The following MYO19 variants were observed in gnomAD, a reference collection of about 807,000 sequenced individuals.
MYO19 encodes the protein myosin XIX, also known as unconventional myosin-XIX.
In MYO19, 132 loss-of-function variants were observed where a neutral mutation model predicts 129.2. The ratio of observed to expected loss-of-function variants is 1.02; its 90% confidence interval spans 0.89 to 1.18. The LOEUF is 1.18. MYO19 is among the 50% of genes most tolerant of loss of function. The pLI is 0.00. For synonymous variants in MYO19, 531 were observed against 477.2 expected, an observed-to-expected ratio of 1.11 and a Z score of -1.47; for missense variants, 1,210 against 1,216.7, an observed-to-expected ratio of 0.99 and a Z score of 0.08.
chr17:36,536,347 A>C (rs778176990), upstream of MYO19, among the ~76,000 whole-genome samples: 1 of 152,114 alleles, frequency 6.6e-6, no homozygotes, highest in Non-Finnish European at 1.5e-5. Flanking sequence ...TTCAAAATGT[A>C]CTTGGCCCCT....
chr17:36,499,489 CTG>C, intron 23 of MYO19: 1 of 194,896 alleles, frequency 5.1e-6, no homozygotes, highest in South Asian at 9.6e-5. Context: ...TCTGGATTGT[CTG>C]TGCCTTTAAA....
upstream of MYO19, chr17:36,538,069 G>T (rs1242794610): frequency 9.3e-6 from 15 of 1,613,934 alleles, no homozygotes; most frequent in Non-Finnish European, 1.3e-5. Flanking sequence ...GTGCAAACAG[G>T]GTTATATATG....
chr17:36,525,297 C>G lies in MYO19; in HGVS notation c.345G>C (p.Arg115Ser). The change falls in exon 6 of 26, where the codon AGG becomes AGC. Residue 115 changes from arginine to serine, a missense_variant. Coordinates refer to ENST00000614623, the MANE Select transcript of MYO19 (RefSeq NM_001163735.2). ...HVFTVGEQTYRNVKSLIEPVN... is the reference protein window; with the variant it reads ...HVFTVGEQTYSNVKSLIEPVN... ...CTGGTTCAATCAGGCTCTTGACATT[C>G]CTGTAGGTCTGTTCACCCACAGTGA... The G allele has an allele frequency of 6.2e-7, 1 of 1,613,946 alleles. No homozygotes were observed. The highest frequency in any genetic ancestry group is 8.5e-7 in the Non-Finnish European group (1 of 1,179,842).
intron 6 of MYO19, among the ~76,000 whole-genome samples, chr17:36,521,114 G>A (rs1027788173): frequency 1.3e-5 from 2 of 152,170 alleles, no homozygotes; most frequent in African/African-American, 4.8e-5. Context: ...CTGAAAGACT[G>A]GAGGAATCTT....
chr17:36,498,308 T>G lies in MYO19; in HGVS notation c.2715A>C (p.Ala905=). 1 of 1,613,936 alleles carries G rather than the reference T, an allele frequency of 6.2e-7. No individual in the cohort carries two copies. The highest frequency in any genetic ancestry group is 8.5e-7 in the Non-Finnish European group (1 of 1,179,884). Residue 905 remains alanine (A), a synonymous_variant, in exon 25 of 26, where the codon GCA becomes GCC. Transcript: ENST00000614623. ...GSPSSYTVQT[A]QDQAGVTSIR... ...TGGACGTGACACCAGCCTGGTCTTG[T>G]GCTGTCTGGACAGTGTAGCTACTGG...
intron 6 of MYO19, among the ~76,000 whole-genome samples, chr17:36,521,711 G>C (rs1349921430): frequency 6.6e-6 from 1 of 152,060 alleles, no homozygotes; most frequent in Non-Finnish European, 1.5e-5. Flanking sequence ...CACCATTATG[G>C]ACTGGCTCTC....
rs1439959381 is a variant in MYO19, at chr17:36,525,220, C to A, written c.414+8G>T. ...TGAGTTGACAGGATGGGAAAGACGT[C>A]TTCCTACCTTTCCAGCACCACTCTC... On this transcript the variant is annotated splice_region_variant and intron_variant, in intron 6 of 25. Transcript: ENST00000614623. 2 of 1,605,378 alleles carry A rather than the reference C, an allele frequency of 1.2e-6. No homozygotes were observed. Among genetic ancestry groups the A allele is most frequent in the South Asian group, 1.1e-5 (1 of 90,790 alleles).
chr17:36,535,188 G>T (rs1474284865), upstream of MYO19: 2 of 145,472 alleles, frequency 1.4e-5, no homozygotes, highest in Non-Finnish European at 3.0e-5. Context: ...AGTAGAGGTC[G>T]CCGCGGCGGA....
At chr17:36,506,858 G>A (rs61584869) in intron 17 of MYO19, 105 bp downstream of exon 17, 1 of 1,343,800 alleles carries the variant, frequency 7.4e-7, no homozygotes, top group Non-Finnish European at 9.9e-7. Context: ...TCTGGGAGGA[G>A]GTTCAGGAGA....
At chr17:36,504,058 TG>T in intron 19 of MYO19, 38 bp from the exon 20 acceptor site, 1 of 1,488,710 alleles carries the variant, frequency 6.7e-7, no homozygotes, top group Non-Finnish European at 9.0e-7. Flanking sequence ...ACCTGCAGCA[TG>T]GGGCCAGCAG....
intron 7 of MYO19, 115 bp downstream of exon 7, chr17:36,515,743 C>T (rs2072700415): frequency 8.6e-7 from 1 of 1,163,754 alleles, no homozygotes; most frequent in Non-Finnish European, 1.2e-6. Flanking sequence ...GAAGGATACA[C>T]TCATCCTCCA....
chr17:36,521,223 T>C (rs992429951), intron 6 of MYO19, among the ~76,000 whole-genome samples: 7 of 152,208 alleles, frequency 4.6e-5, no homozygotes, highest in South Asian at 2.1e-4. Context: ...TGGTTGACAA[T>C]CTTGTACGTA....
At chr17:36,536,966 A>G, upstream of MYO19, 1 of 713,440 alleles carries the variant, frequency 1.4e-6, no homozygotes, top group Non-Finnish European at 2.3e-6. Context: ...CACAAATCCT[A>G]GGTGAACTCA....
intron 21 of MYO19, 72 bp from the exon 22 acceptor site, chr17:36,501,307 T>C: frequency 2.0e-6 from 3 of 1,495,344 alleles, no homozygotes; most frequent in Admixed American, 1.9e-5. Flanking sequence ...GAAACTGGCT[T>C]TGGCCTCCCT....
intron 23 of MYO19, 105 bp from the exon 24 acceptor site, chr17:36,499,265 C>CT: frequency 5.6e-6 from 4 of 712,572 alleles, no homozygotes; most frequent in South Asian, 1.8e-5. Flanking sequence ...GTTTCAAATA[C>CT]GTTTTTTTTT....
intron 3 of MYO19, among the ~76,000 whole-genome samples, chr17:36,528,743 G>A (rs2142402938): frequency 6.6e-6 from 1 of 152,240 alleles, no homozygotes; most frequent in Non-Finnish European, 1.5e-5. Context: ...AACTGACAAG[G>A]TTATTGGGAA....
In MYO19 at chr17:36,498,438, C is replaced by T. The variant is rs532830674; in HGVS notation, c.2585G>A (p.Arg862His). ...CAGGACCAGTCCCAGGGGCCAGAGGCGGATTATTGCCTCCAGGAGCCTGGT... is the reference window on the plus strand; with the variant it reads ...CAGGACCAGTCCCAGGGGCCAGAGGTGGATTATTGCCTCCAGGAGCCTGGT... ...LQTRLLEAII[R>H]LWPLGLVLAN... Residue 862 changes from arginine (R) to histidine (H), a missense_variant, in exon 25 of 26, where the codon CGC becomes CAC. Coordinates refer to ENST00000614623, the MANE Select transcript of MYO19 (RefSeq NM_001163735.2). The T allele has an allele frequency of 1.9e-5, 31 of 1,614,000 alleles. No individual in the cohort carries two copies. The highest frequency in any genetic ancestry group is 1.6e-4 in the East Asian group (7 of 44,884).
At chr17:36,524,653 G>A (rs544484740) in intron 6 of MYO19, among the ~76,000 whole-genome samples, 3 of 152,290 alleles carry the variant, frequency 2.0e-5, no homozygotes, top group Non-Finnish European at 2.9e-5. Context: ...GCCACCATGC[G>A]CAACCCAGAG....
chr17:36,534,794 C>G lies in MYO19; in HGVS notation c.-329G>C, dbSNP rs2074035078. 1 of 152,438 alleles carries G rather than the reference C, an allele frequency of 6.6e-6. No homozygotes were observed. Among genetic ancestry groups the G allele is most frequent in the Admixed American group, 6.5e-5 (1 of 15,294 alleles). 9.4% of individuals were successfully genotyped at this position (152,438 alleles called of 1,614,324 possible). On this transcript the variant is annotated 5_prime_UTR_variant, in exon 1 of 26. Transcript: ENST00000614623. ...CGGCCCGAGCCGCCGTGCTTCAGGCCCCCGCCCGGCCAGACTGGAAAGGCG... is the reference window on the plus strand; with the variant it reads ...CGGCCCGAGCCGCCGTGCTTCAGGCGCCCGCCCGGCCAGACTGGAAAGGCG...
Sources: allele counts gnomAD v4.1 joint callset (sites outside exome capture counted in the v4.1 genomes callset), GRCh38; gene constraint gnomAD v4.1.1; transcripts MANE v1.5; gene names NCBI Gene and HGNC (gene_info 2026-07-23, HGNC 2026-07-21).